The following SLIT3 variants were observed in gnomAD, a reference collection of about 807,000 sequenced individuals.
SLIT3 encodes the protein slit guidance ligand 3.
SLIT3 carries 68 observed loss-of-function variants against 184.0 expected under a neutral mutation model. The ratio of observed to expected loss-of-function variants is 0.37; its 90% CI spans 0.30 to 0.45. The LOEUF is 0.45. SLIT3 is among the 20% of genes least tolerant of loss of function. The probability of loss-of-function intolerance (pLI) is 1.00; values close to 1 mark genes in which losing one functional copy is unlikely to be tolerated. For synonymous variants in SLIT3, 831 were observed against 828.6 expected (o/e 1.00, Z -0.05); for missense variants, 1,707 against 2,026.0 (o/e 0.84, Z 3.02).
chr5:169,043,388 A>AGTT (rs1456279373), intron 4 of SLIT3, among the ~76,000 whole-genome samples: 8 of 152,346 alleles, frequency 5.3e-5, no homozygotes, highest in African/African-American at 1.9e-4. Flanking sequence ...ACACATAATG[A>AGTT]GTTGGTAGTT....
chr5:169,122,772 C>T (rs1292937788), intron 4 of SLIT3, among the ~76,000 whole-genome samples: 2 of 152,182 alleles, frequency 1.3e-5, no homozygotes, highest in East Asian at 3.9e-4. Flanking sequence ...ACCGACCTTT[C>T]AACATCAAAT....
At chr5:168,829,555 A>C (rs1757814043) in intron 6 of SLIT3, among the ~76,000 whole-genome samples, 1 of 152,216 alleles carries the variant, frequency 6.6e-6, no homozygotes, top group Admixed American at 6.5e-5. Flanking sequence ...CCCAAGAAGG[A>C]GACTCTTGGT....
chr5:169,227,203 C>CT (rs1174392321), intron 3 of SLIT3, among the ~76,000 whole-genome samples: 1 of 152,202 alleles, frequency 6.6e-6, no homozygotes, highest in Non-Finnish European at 1.5e-5. Flanking sequence ...GCTGAACAGT[C>CT]TGTCTTCTAA....
intron 20 of SLIT3, among the ~76,000 whole-genome samples, chr5:168,724,985 G>A (rs116338829): frequency 6.6e-4 from 101 of 152,244 alleles, no homozygotes; most frequent in African/African-American, 2.1e-3. Context: ...CTTAGCTTCC[G>A]GAAGCTGTTG....
intron 1 of SLIT3, among the ~76,000 whole-genome samples, chr5:169,299,174 G>C (rs572284684): frequency 2.0e-5 from 3 of 152,208 alleles, no homozygotes; most frequent in African/African-American, 7.2e-5. Context: ...TCACCCTTTA[G>C]GATTCTGTGG....
intron 4 of SLIT3, among the ~76,000 whole-genome samples, chr5:169,163,623 C>T (rs2113398461): frequency 6.6e-6 from 1 of 152,278 alleles, no homozygotes; most frequent in Middle Eastern, 3.4e-3. Flanking sequence ...TGTTTAATTT[C>T]TGATTCTCCC....
chr5:168,666,741 C>A, intron 35 of SLIT3, 52 bp from the exon 36 acceptor site: 1 of 1,612,614 alleles, frequency 6.2e-7, no homozygotes, highest in Non-Finnish European at 8.5e-7. Flanking sequence ...GCCAGCAGGA[C>A]CATGAGCAGT....
intron 3 of SLIT3, among the ~76,000 whole-genome samples, chr5:169,218,749 C>T (rs1407396836): frequency 6.6e-6 from 1 of 152,184 alleles, no homozygotes; most frequent in Non-Finnish European, 1.5e-5. Context: ...GAGCTTGCAG[C>T]TGGTAATTGC....
Position 169,092,753 on chromosome 5 carries a change from A to G in SLIT3, c.413+100726T>C, listed in dbSNP as rs906108215. On this transcript the variant is annotated intron_variant, in intron 4 of 35. Transcript: ENST00000519560. Reference sequence around the variant, plus strand: ...CAGTGGTGGCAGTGCCCTTCTCTCCATCCTGTCCCTTTGTGGTCTTGGTGT... The same window carrying G: ...CAGTGGTGGCAGTGCCCTTCTCTCCGTCCTGTCCCTTTGTGGTCTTGGTGT... 2.6e-5 allele frequency among the ~76,000 whole-genome samples: 4 copies of G among 152,110 alleles called. No individual in the cohort carries two copies. In the South Asian group the frequency reaches 8.4e-4, roughly 32 times the overall value.
At chr5:169,156,314 A>G (rs1762302387) in intron 4 of SLIT3, among the ~76,000 whole-genome samples, 1 of 152,234 alleles carries the variant, frequency 6.6e-6, no homozygotes, top group Non-Finnish European at 1.5e-5. Context: ...CCAGAAAGCC[A>G]CAGTGTACAT....
intron 18 of SLIT3, 110 bp downstream of exon 18, chr5:168,752,845 G>A: frequency 8.8e-7 from 1 of 1,141,094 alleles, no homozygotes; most frequent in African/African-American, 1.5e-5. Context: ...GAGTTTTTAA[G>A]TGGACAGACA....
chr5:169,257,635 T>C (rs10043390), intron 1 of SLIT3, among the ~76,000 whole-genome samples: 105,981 of 145,934 alleles, frequency 0.73, 38,435 homozygotes, highest in African/African-American at 0.8. Flanking sequence ...CAACCTCCGC[T>C]TCCTGGGTTC....
chr5:168,821,789 C>T (rs1487940297), intron 7 of SLIT3, among the ~76,000 whole-genome samples: 2 of 152,136 alleles, frequency 1.3e-5, no homozygotes, highest in African/African-American at 4.8e-5. Flanking sequence ...ACTCACTTTC[C>T]TTGAAGCACA....
intron 4 of SLIT3, among the ~76,000 whole-genome samples, chr5:169,176,994 G>A (rs1763007322): frequency 6.6e-6 from 1 of 152,184 alleles, no homozygotes; most frequent in African/African-American, 2.4e-5. Flanking sequence ...AGATTTATAG[G>A]CATGACAATT....
At chr5:168,973,115 C>A (rs1309222980) in intron 4 of SLIT3, among the ~76,000 whole-genome samples, 1 of 125,238 alleles carries the variant, frequency 8.0e-6, no homozygotes, top group Non-Finnish European at 1.7e-5. Context: ...AAGACCAGTC[C>A]CCCATGCCTT....
At chr5:168,701,122 CTTTCATGTAAGGAAAAG>C (rs1211412107) in intron 26 of SLIT3, among the ~76,000 whole-genome samples, 2 of 152,194 alleles carry the variant, frequency 1.3e-5, no homozygotes, top group Non-Finnish European at 2.9e-5. Flanking sequence ...TAAACTTGAG[CTTTCATGTAAGGAAAAG>C]TTTCATGTAA....
At chr5:168,780,616 C>T (rs540913122) in intron 12 of SLIT3, among the ~76,000 whole-genome samples, 62 of 152,318 alleles carry the variant, frequency 4.1e-4, no homozygotes, top group African/African-American at 1.2e-3. Context: ...TTGGCACGAA[C>T]GCTTAGTGAA....
At chr5:169,148,793 T>C (rs1400607195) in intron 4 of SLIT3, among the ~76,000 whole-genome samples, 1 of 152,138 alleles carries the variant, frequency 6.6e-6, no homozygotes, top group African/African-American at 2.4e-5. Context: ...ATTTAAACAG[T>C]AGTGGAGCTG....
chr5:168,936,295 T>A (rs1811372), intron 4 of SLIT3, among the ~76,000 whole-genome samples: 3 of 151,962 alleles, frequency 2.0e-5, no homozygotes, highest in Non-Finnish European at 4.4e-5. Context: ...AGTTCAGTGG[T>A]GCAATCTCGG....
Sources: gnomAD v4.1 joint callset for allele counts (sites outside exome capture counted in the v4.1 genomes callset) on GRCh38, gnomAD v4.1.1 for gene constraint, MANE v1.5 for transcripts, NCBI Gene and HGNC (gene_info 2026-07-23, HGNC 2026-07-21) for gene names.